Variants in TRPV3 observed in about 807,000 individuals in gnomAD.
TRPV3 encodes transient receptor potential cation channel subfamily V member 3.
TRPV3 carries 88 observed loss-of-function variants against 87.1 expected under a neutral mutation model. The ratio of observed to expected loss-of-function variants is 1.01; its 90% confidence interval spans 0.85 to 1.21. The LOEUF (loss-of-function observed/expected upper bound fraction) is 1.21, where lower values mean the gene tolerates loss of function less well. Ranked by LOEUF, TRPV3 falls within the 50% of genes most tolerant of loss-of-function variation. The probability of loss-of-function intolerance (pLI) is 0.00; values close to 1 mark genes in which losing one functional copy is unlikely to be tolerated. For synonymous variants in TRPV3, 438 were observed against 423.3 expected (o/e 1.03, Z -0.43); for missense variants, 1,054 against 1,030.1 (o/e 1.02, Z -0.32).
chr17:3,544,045 G>A (rs1435565483), intron 4 of TRPV3, among the ~76,000 whole-genome samples: 2 of 150,740 alleles, frequency 1.3e-5, no homozygotes, highest in African/African-American at 4.9e-5. Flanking sequence ...GTCTTGCTCT[G>A]TCACCCAGGC....
In TRPV3 at chr17:3,527,689, G is replaced by A. The variant is rs72816029; in HGVS notation, c.1503+336C>T. On this transcript the variant is annotated intron_variant, in intron 11 of 17. Coordinates refer to ENST00000576742, the MANE Select transcript of TRPV3 (RefSeq NM_145068.4). ...AGAAGGATGGTCGGTAAGGATGAGT[G>A]GACATGTGAATGGATGAATGAGTGG... 0.19 allele frequency: 69,795 copies of A among 368,000 alleles called. 8,807 individuals carry two copies. The highest frequency in any genetic ancestry group is 0.59 in the East Asian group (8,311 of 14,072). The allele number at this position is 368,000 out of a possible 1,614,324, so 22.8% of individuals were successfully genotyped here. A position where few individuals can be genotyped will look rare whatever the true frequency, so the allele number is the denominator to read the frequency against.
Position 3,518,649 on chromosome 17 carries a change from T to C in TRPV3, c.2012A>G (p.Asn671Ser), listed in dbSNP as rs1471019731. 2.5e-6 allele frequency: 4 copies of C among 1,597,732 alleles called. No homozygotes were observed. The highest frequency in any genetic ancestry group is 1.8e-5 in the Admixed American group (1 of 56,716). Reference protein sequence around the residue: ...YVILTFVLLLNMLIALMGETV... With the variant: ...YVILTFVLLLSMLIALMGETV... ...CTCGCCCATCAGAGCAATGAGCATG[T>C]TGAGGAGGAGAACAAAGGTGAGGAT... is the stretch of plus-strand genomic sequence containing the variant. The change falls in exon 15 of 18, where the codon AAC (asparagine) becomes AGC (serine). Residue 671 changes from asparagine (N) to serine (S), a missense_variant. Coordinates refer to ENST00000576742, the MANE Select transcript of TRPV3 (RefSeq NM_145068.4). This position sits in a 1 kb window ranked among gnomAD's most constrained non-coding sequence, Gnocchi z 4.3.
At chr17:3,535,839 G>T in intron 6 of TRPV3, 126 bp from the exon 7 acceptor site, 1 of 1,151,630 alleles carries the variant, frequency 8.7e-7, no homozygotes, top group Non-Finnish European at 1.1e-6. Flanking sequence ...TGTGTCGCCA[G>T]CTACCAGGAA....
At chr17:3,520,641 T>C (rs2074237336) in intron 14 of TRPV3, among the ~76,000 whole-genome samples, 1 of 152,168 alleles carries the variant, frequency 6.6e-6, no homozygotes, top group Non-Finnish European at 1.5e-5. Flanking sequence ...TGATTCCCAC[T>C]TGATCAAGTT....
chr17:3,518,709 G>A lies in TRPV3; in HGVS notation c.1952C>T (p.Pro651Leu). 6.2e-7 allele frequency: 1 copy of A among 1,612,486 alleles called. No homozygotes were observed. Among genetic ancestry groups the A allele is most frequent in the Non-Finnish European group, 8.5e-7 (1 of 1,179,394 alleles). Reference sequence around the variant, plus strand: ...GATGAGCAGGAACAGAAAGAGAATGGGATACTTGGAGTTCTGCTGGATGTT... The same window carrying A: ...GATGAGCAGGAACAGAAAGAGAATGAGATACTTGGAGTTCTGCTGGATGTT... ...DLNIQQNSKY[P>L]ILFLFLLITY... The change falls in exon 15 of 18, where the codon CCC (proline) becomes CTC (leucine). Residue 651 changes from proline (P) to leucine (L), a missense_variant. By Grantham distance (98) the Pro-to-Leu change is moderately conservative. Transcript: ENST00000576742. This position sits in a 1 kb window ranked among gnomAD's most constrained non-coding sequence, Gnocchi z 4.3.
chr17:3,531,134 G>C (rs1218280138), intron 8 of TRPV3, among the ~76,000 whole-genome samples: 3 of 152,078 alleles, frequency 2.0e-5, no homozygotes, highest in South Asian at 2.1e-4. Flanking sequence ...GAAATATCCA[G>C]GGTGGGACCC....
chr17:3,546,030 G>T (rs1045673526), intron 2 of TRPV3, among the ~76,000 whole-genome samples: 1 of 151,618 alleles, frequency 6.6e-6, no homozygotes, highest in African/African-American at 2.4e-5. Context: ...GGAGCACAGG[G>T]CCACGTTCTT....
chr17:3,556,464 G>T lies in TRPV3; in HGVS notation c.-3+1212C>A, dbSNP rs1251507433. ...GTGTGGTCAGGGGGTGCCACTCTCAGCTTGAATCATCCTCAGGGGACTCAC... is the reference window on the plus strand; with the variant it reads ...GTGTGGTCAGGGGGTGCCACTCTCATCTTGAATCATCCTCAGGGGACTCAC... On this transcript the variant is annotated intron_variant, in intron 1 of 17. Transcript: ENST00000576742. This position sits in a 1 kb window ranked among gnomAD's most constrained non-coding sequence, Gnocchi z 4.2. 6.6e-6 allele frequency among the ~76,000 whole-genome samples: 1 copy of T among 152,102 alleles called. No homozygotes were observed. The highest frequency in any genetic ancestry group is 2.4e-5 in the African/African-American group (1 of 41,422).
chr17:3,544,662 G>A lies in TRPV3; in HGVS notation c.228C>T (p.Ile76=). 1 of 1,608,678 alleles carries A rather than the reference G, an allele frequency of 6.2e-7. No homozygotes were observed. The highest frequency in any genetic ancestry group is 8.5e-7 in the Non-Finnish European group (1 of 1,178,548). The change falls in exon 4 of 18, where the codon ATC becomes ATT. Residue 76 remains isoleucine, a synonymous_variant. Transcript: ENST00000576742. The part of the protein sequence containing the change: ...KPMDSNIRQC[I]SGNCDDMDSP... Reference sequence around the variant, plus strand: ...AGTCCATGTCATCACAGTTACCAGAGATGCTGGAGGTGTTGGCAGGGGGAA... The same window carrying A: ...AGTCCATGTCATCACAGTTACCAGAAATGCTGGAGGTGTTGGCAGGGGGAA...
At chr17:3,517,619 C>CA (rs34610978) in intron 15 of TRPV3, among the ~76,000 whole-genome samples, 42,431 of 65,262 alleles carry the variant, frequency 0.65, 13,576 homozygotes, top group Non-Finnish European at 0.73. Flanking sequence ...GACCCTGTCT[C>CA]AAAAAAAAAA....
chr17:3,535,683 C>CG lies in TRPV3; in HGVS notation c.673dup (p.Arg225ProfsTer39). 1.9e-6 allele frequency: 3 copies of CG among 1,583,448 alleles called. No homozygotes were observed. Among genetic ancestry groups the CG allele is most frequent in the East Asian group, 4.7e-5 (2 of 42,228 alleles). ...CAGGGCTGCGATGTCCCCCTGCCGC[C>CG]GCTCGATGGCGATGTTCAGCGCCGT... On this transcript the variant is annotated frameshift_variant, in exon 7 of 18. Transcript: ENST00000576742. LOFTEE classifies it high-confidence loss of function.
rs754380920 is a variant in TRPV3 at position 3,514,020 on chromosome 17, T to A, written c.2279-9A>T. 36 of 1,594,114 alleles carry A rather than the reference T, an allele frequency of 2.3e-5. No individual in the cohort carries two copies. Among genetic ancestry groups the A allele is most frequent in the Middle Eastern group, 1.7e-4 (1 of 5,952 alleles). On this transcript the variant is annotated splice_polypyrimidine_tract_variant and intron_variant, in intron 17 of 17. Coordinates refer to ENST00000576742, the MANE Select transcript of TRPV3 (RefSeq NM_145068.4). ...TTGGATTTTGTTGAAATCTGCTTTTTAAAAAAATATATATTTTAGAAATAT... is the reference window on the plus strand; with the variant it reads ...TTGGATTTTGTTGAAATCTGCTTTTAAAAAAAATATATATTTTAGAAATAT...
intron 11 of TRPV3, 118 bp from the exon 12 acceptor site, chr17:3,527,045 G>T: frequency 2.6e-6 from 2 of 780,978 alleles, no homozygotes; most frequent in East Asian, 2.7e-5. Context: ...CAAAGGCCCA[G>T]CTAGAGTCCA....
rs2074121131 is a variant in TRPV3 at position 3,512,138 on chromosome 17, A to C, written c.*1779T>G. On this transcript the variant is annotated 3_prime_UTR_variant, in exon 18 of 18. Transcript: ENST00000576742. ...GCAGTTGCTGGATTCTGTTGAGCCA[A>C]AATCTTTCTCAATTTCCTAATTCTG... is the stretch of plus-strand genomic sequence containing the variant. 1 of 152,216 alleles carries C rather than the reference A, an allele frequency of 6.6e-6. No individual in the cohort carries two copies. The highest frequency in any genetic ancestry group is 2.4e-5 in the African/African-American group (1 of 41,452). The allele number at this position is 152,216 out of a possible 1,614,324, so 9.4% of individuals were successfully genotyped here. A position where few individuals can be genotyped will look rare whatever the true frequency, so the allele number is the denominator to read the frequency against.
In TRPV3 at chr17:3,513,800, T is replaced by C. The variant is rs1482987712; in HGVS notation, c.*117A>G. ...GAGCACTGAGCACGAGGGTGCACTC[T>C]GCTTCTAGGCCAGCAGAGCCGGACT... On this transcript the variant is annotated 3_prime_UTR_variant, in exon 18 of 18. Transcript: ENST00000576742. 3 of 852,426 alleles carry C rather than the reference T, an allele frequency of 3.5e-6. No homozygotes were observed. The highest frequency in any genetic ancestry group is 1.7e-5 in the African/African-American group (1 of 59,068). 52.8% of individuals were successfully genotyped at this position (852,426 alleles called of 1,614,324 possible).
chr17:3,538,172 TA>T (rs1300062434), intron 6 of TRPV3, among the ~76,000 whole-genome samples: 1 of 150,812 alleles, frequency 6.6e-6, no homozygotes, highest in Non-Finnish European at 1.5e-5. Flanking sequence ...GCCTGGGCAA[TA>T]GAGCAAGACC....
chr17:3,537,117 G>T (rs918973162), intron 6 of TRPV3, among the ~76,000 whole-genome samples: 5 of 152,124 alleles, frequency 3.3e-5, no homozygotes, highest in Admixed American at 3.3e-4. Context: ...GGGGTTTTTG[G>T]TTTTTTGTTT....
At chr17:3,547,929 T>C (rs573276919) in intron 2 of TRPV3, among the ~76,000 whole-genome samples, 15 of 152,182 alleles carry the variant, frequency 9.9e-5, no homozygotes, top group Non-Finnish European at 2.2e-4. Context: ...CAGGCACCCA[T>C]GTTCTTGGAA....
intron 4 of TRPV3, among the ~76,000 whole-genome samples, 173 bp downstream of exon 4, chr17:3,544,406 A>G (rs1355059503): frequency 6.6e-6 from 1 of 152,166 alleles, no homozygotes; most frequent in Non-Finnish European, 1.5e-5. Context: ...ATAGAATTCA[A>G]TACTCCACTC....
Sources: gnomAD v4.1 joint callset for allele counts (sites outside exome capture counted in the v4.1 genomes callset) on GRCh38, gnomAD v4.1.1 for gene constraint, Gnocchi (gnomAD v3.1) non-coding constraint, MANE v1.5 for transcripts, NCBI Gene and HGNC (gene_info 2026-07-23, HGNC 2026-07-21) for gene names.